The following HIP1 variants were observed in gnomAD, a reference collection of about 807,000 sequenced individuals.
HIP1 encodes the protein huntingtin interacting protein 1, also known as huntingtin-interacting protein 1.
A neutral mutation model predicts 147.6 loss-of-function variants in HIP1; 65 were observed. The observed-to-expected ratio is 0.44, with a 90% CI of 0.36 to 0.54. HIP1 has a LOEUF of 0.54. Among genes scored for constraint, HIP1 ranks in the 20% least tolerant of loss-of-function variants. HIP1 has a pLI of 0.00. For synonymous variants in HIP1, 479 were observed against 504.0 expected, an observed-to-expected ratio of 0.95 and a Z score of 0.67; for missense variants, 1,061 against 1,299.6, an observed-to-expected ratio of 0.82 and a Z score of 2.82.
At chr7:75,693,077 A>G (rs1416996252) in intron 1 of HIP1, among the ~76,000 whole-genome samples, 1 of 151,882 alleles carries the variant, frequency 6.6e-6, no homozygotes, top group Admixed American at 6.6e-5. Context: ...AGGCACGAGA[A>G]TCACTTGAAC....
chr7:75,586,905 T>G, intron 4 of HIP1, 72 bp from the exon 5 acceptor site: 1 of 892,952 alleles, frequency 1.1e-6, no homozygotes, highest in Non-Finnish European at 1.9e-6. Context: ...AGCCAGGAAT[T>G]CTCTGGTAAA....
chr7:75,621,198 C>A (rs587729342), intron 1 of HIP1, among the ~76,000 whole-genome samples: 97 of 152,220 alleles, frequency 6.4e-4, no homozygotes, highest in African/African-American at 2.2e-3. Flanking sequence ...CAGAGTGAGA[C>A]CCTGTCTCAA....
At position 75,701,666 on chromosome 7, in the gene HIP1, AG is replaced by A. The variant is rs1800837506; in HGVS notation, c.120+37134del. 3.9e-5 allele frequency among the ~76,000 whole-genome samples: 6 copies of A among 152,296 alleles called. 1 individual carries two copies. In the South Asian group the frequency reaches 1.2e-3, roughly 32 times the overall value. On this transcript the variant is annotated intron_variant, in intron 1 of 30. Transcript: ENST00000336926. ...GGAGTTTGAGATCAGACTGGGCAACAGAGCAAGACTCTGTCTCTACTAAAAA... is the reference window on the plus strand; with the variant it reads ...GGAGTTTGAGATCAGACTGGGCAACAAGCAAGACTCTGTCTCTACTAAAAA...
chr7:75,650,785 G>C (rs951794377), intron 1 of HIP1, among the ~76,000 whole-genome samples: 1 of 152,156 alleles, frequency 6.6e-6, no homozygotes, highest in East Asian at 1.9e-4. Context: ...CTGAGGGCAG[G>C]AAGTACCAGC....
intron 1 of HIP1, among the ~76,000 whole-genome samples, chr7:75,709,132 T>C (rs1371603848): frequency 1.3e-5 from 2 of 151,380 alleles, no homozygotes; most frequent in Non-Finnish European, 2.9e-5. Context: ...TTTTACTTTT[T>C]TTTGAGATGG....
At chr7:75,623,210 C>CA (rs34787591) in intron 1 of HIP1, among the ~76,000 whole-genome samples, 1,684 of 83,016 alleles carry the variant, frequency 0.02, 29 homozygotes, top group African/African-American at 0.041. Flanking sequence ...AAAAAAAAAG[C>CA]AAAAAAAAAA....
chr7:75,670,121 TA>T (rs35847149), intron 1 of HIP1, among the ~76,000 whole-genome samples: 85,803 of 151,678 alleles, frequency 0.57, 24,766 homozygotes, highest in African/African-American at 0.66. Context: ...TTTATTGTGA[TA>T]AAATATACAT....
chr7:75,549,510 G>A (rs1294286921), intron 22 of HIP1, among the ~76,000 whole-genome samples: 2 of 150,704 alleles, frequency 1.3e-5, no homozygotes, highest in African/African-American at 4.9e-5. Context: ...AGCTGGGATT[G>A]CAGGTTTGCA....
intron 30 of HIP1, among the ~76,000 whole-genome samples, chr7:75,538,906 G>A (rs1394498581): frequency 1.3e-5 from 2 of 152,104 alleles, no homozygotes; most frequent in African/African-American, 2.4e-5. Context: ...TTTGGCAATT[G>A]TTGCCCTTCA....
chr7:75,576,459 TG>T (rs1795849140), intron 7 of HIP1, among the ~76,000 whole-genome samples: 1 of 152,192 alleles, frequency 6.6e-6, no homozygotes, highest in Non-Finnish European at 1.5e-5. Context: ...CTGTGGCTCA[TG>T]CCTGTAATCC....
intron 1 of HIP1, among the ~76,000 whole-genome samples, chr7:75,600,267 T>C (rs1437638625): frequency 6.6e-6 from 1 of 151,952 alleles, no homozygotes; most frequent in African/African-American, 2.4e-5. Flanking sequence ...TGCACTACCA[T>C]GCCCAACTAA....
chr7:75,732,078 C>A (rs755715076), intron 1 of HIP1, among the ~76,000 whole-genome samples: 5 of 152,054 alleles, frequency 3.3e-5, no homozygotes, highest in Non-Finnish European at 7.4e-5. Flanking sequence ...GTACCCGCAA[C>A]GTAAACATGA....
chr7:75,655,147 G>T (rs926383012), intron 1 of HIP1, among the ~76,000 whole-genome samples: 1 of 152,204 alleles, frequency 6.6e-6, no homozygotes, highest in Non-Finnish European at 1.5e-5. Flanking sequence ...GACAGCCCAG[G>T]TGTCCATCAA....
intron 1 of HIP1, among the ~76,000 whole-genome samples, chr7:75,605,531 T>TTTG (rs1226862870): frequency 1.3e-4 from 19 of 151,930 alleles, no homozygotes; most frequent in East Asian, 7.7e-4. Context: ...GGAAGCTATT[T>TTTG]TTGTTGTTGT....
intron 1 of HIP1, among the ~76,000 whole-genome samples, chr7:75,695,042 C>T (rs1465125721): frequency 6.6e-6 from 1 of 152,180 alleles, no homozygotes; most frequent in Non-Finnish European, 1.5e-5. Flanking sequence ...CTAAAGATTG[C>T]CTTTTCCCCA....
intron 1 of HIP1, among the ~76,000 whole-genome samples, chr7:75,687,327 C>G (rs1054596029): frequency 6.6e-6 from 1 of 152,166 alleles, no homozygotes; most frequent in Non-Finnish European, 1.5e-5. Context: ...CAATAACTTC[C>G]CAGTTTATCT....
chr7:75,657,422 C>G (rs183511552), intron 1 of HIP1, among the ~76,000 whole-genome samples: 1,723 of 149,842 alleles, frequency 0.011, 37 homozygotes, highest in African/African-American at 0.04. Context: ...CCCAGCTACT[C>G]GGGAGGCTGA....
At position 75,546,988 on chromosome 7, in the gene HIP1, A is replaced by G; in HGVS notation, c.2510T>C (p.Leu837Pro). 6.3e-7 allele frequency: 1 copy of G among 1,588,616 alleles called. No homozygotes were observed. The highest frequency in any genetic ancestry group is 8.6e-7 in the Non-Finnish European group (1 of 1,166,614). The change falls in exon 25 of 31, where the codon CTC becomes CCC. Residue 837 changes from leucine (L) to proline (P), a missense_variant. Physicochemically the swap from Leu to Pro is moderately conservative, Grantham distance 98 (BLOSUM62 -3). Transcript: ENST00000336926. ...CTSLMQAIQV[L>P]IVASKDLQRE... The stretch of plus-strand genomic sequence containing the variant: ...CTGGAGGTCCTTAGAGGCCACGATG[A>G]GCACCTGAATAGCTTGCATGAGGCT...
intron 1 of HIP1, among the ~76,000 whole-genome samples, chr7:75,680,283 A>G (rs917615656): frequency 3.3e-5 from 5 of 151,898 alleles, no homozygotes; most frequent in Admixed American, 2.6e-4. Flanking sequence ...AGCTCAGGCA[A>G]TTGCCCGCCT....
Sources: allele counts gnomAD v4.1 joint callset (sites outside exome capture counted in the v4.1 genomes callset), GRCh38; gene constraint gnomAD v4.1.1; transcripts MANE v1.5; gene names NCBI Gene and HGNC (gene_info 2026-07-23, HGNC 2026-07-21).